The following SLC25A26 variants were observed in gnomAD, a reference collection of about 807,000 sequenced individuals.
The protein encoded by SLC25A26 is mitochondrial S-adenosylmethionine carrier protein.
SLC25A26 carries 36 observed loss-of-function variants against 37.8 expected under a neutral mutation model. The observed-to-expected ratio is 0.95, with a 90% CI of 0.73 to 1.26. The LOEUF is 1.26. Among genes scored for constraint, SLC25A26 ranks in the 50% most tolerant of loss-of-function variants. SLC25A26 has a pLI of 0.00. For missense variants in SLC25A26, 390 were observed against 331.1 expected, an observed-to-expected ratio of 1.18 and a Z score of -1.38; for synonymous variants, 129 against 122.5, an observed-to-expected ratio of 1.05 and a Z score of -0.35.
At chr3:66,317,126 C>T (rs4619732) in intron 5 of SLC25A26, among the ~76,000 whole-genome samples, 19,938 of 152,220 alleles carry the variant, frequency 0.13, 1,604 homozygotes, top group Non-Finnish European at 0.18. Context: ...TCTCAAGCCT[C>T]GGCCCAGTTC....
upstream of SLC25A26, chr3:66,220,999 A>T: frequency 7.4e-7 from 1 of 1,353,022 alleles, no homozygotes; most frequent in South Asian, 1.2e-5. Context: ...GAAGTTCAAG[A>T]CAGACCCGCC....
chr3:66,239,513 T>G (rs560893516), intron 2 of SLC25A26, among the ~76,000 whole-genome samples: 99 of 152,336 alleles, frequency 6.5e-4, no homozygotes, highest in African/African-American at 2.2e-3. Flanking sequence ...CAGAAGCTGC[T>G]TCTCCTGTTA....
chr3:66,153,982 G>A (rs1576599230), intron 1 of SLC25A26, among the ~76,000 whole-genome samples: 2 of 152,156 alleles, frequency 1.3e-5, no homozygotes, highest in East Asian at 3.9e-4. Context: ...ATAAGATTCC[G>A]TCAGGAGTGC....
At chr3:66,248,550 C>G (rs760626627) in intron 3 of SLC25A26, among the ~76,000 whole-genome samples, 1 of 152,170 alleles carries the variant, frequency 6.6e-6, no homozygotes, top group Non-Finnish European at 1.5e-5. Context: ...TCTTATCCTA[C>G]TTTTGTCTTT....
chr3:66,257,804 G>A (rs1559624692), intron 3 of SLC25A26, among the ~76,000 whole-genome samples: 1 of 151,984 alleles, frequency 6.6e-6, no homozygotes, highest in African/African-American at 2.4e-5. Flanking sequence ...GTGTACACTT[G>A]CTCATCTCCC....
At chr3:66,204,427 A>G (rs2071149080) in intron 1 of SLC25A26, among the ~76,000 whole-genome samples, 3 of 111,484 alleles carry the variant, frequency 2.7e-5, no homozygotes, top group African/African-American at 1.2e-4. Flanking sequence ...CTCCGTCTCA[A>G]AAAAAAAAAA....
intron 7 of SLC25A26, among the ~76,000 whole-genome samples, chr3:66,365,627 G>T (rs180912254): frequency 1.2e-4 from 18 of 152,308 alleles, no homozygotes; most frequent in Admixed American, 1.2e-3. Context: ...GGAGAAAGAG[G>T]CAGGGAAAGA....
chr3:66,247,408 C>A (rs377704683), intron 3 of SLC25A26, among the ~76,000 whole-genome samples: 2 of 152,060 alleles, frequency 1.3e-5, no homozygotes, highest in Non-Finnish European at 2.9e-5. Context: ...TCTGGGCTCA[C>A]GTGATCCTCT....
intron 1 of SLC25A26, among the ~76,000 whole-genome samples, chr3:66,228,580 T>C (rs1553661834): frequency 6.6e-6 from 1 of 152,190 alleles, no homozygotes; most frequent in African/African-American, 2.4e-5. Context: ...GCTGTGTTAT[T>C]TGGGGTTGAA....
chr3:66,259,091 A>T (rs1437538683), intron 3 of SLC25A26, among the ~76,000 whole-genome samples: 4 of 152,084 alleles, frequency 2.6e-5, no homozygotes, highest in African/African-American at 9.7e-5. Context: ...CCAGGGTAGG[A>T]GGGGAGAGAC....
intron 5 of SLC25A26, among the ~76,000 whole-genome samples, chr3:66,321,265 A>G (rs1457526955): frequency 5.9e-5 from 9 of 152,202 alleles, no homozygotes; most frequent in Admixed American, 3.9e-4. Context: ...TGAAATGATT[A>G]TGATGCATGC....
chr3:66,323,067 T>A lies in SLC25A26; in HGVS notation c.454-23297T>A, dbSNP rs144612443. 3.0e-3 allele frequency among the ~76,000 whole-genome samples: 456 copies of A among 152,358 alleles called. 2 individuals carry two copies. The highest frequency in any genetic ancestry group is 0.016 in the East Asian group (83 of 5,184). ...GTCTTTTTGAAGTAGGAATGTACTA[T>A]AGTAGCTGCTCTGAGCATTAGAAAT... On this transcript the variant is annotated intron_variant, in intron 5 of 9. Transcript: ENST00000354883.
chr3:66,270,004 T>C (rs760058036), intron 5 of SLC25A26, among the ~76,000 whole-genome samples: 7 of 152,192 alleles, frequency 4.6e-5, no homozygotes, highest in Non-Finnish European at 5.9e-5. Context: ...TTCACTGCTT[T>C]AAGTTTGACT....
At chr3:66,229,998 T>G (rs1368599650) in intron 1 of SLC25A26, among the ~76,000 whole-genome samples, 1 of 152,242 alleles carries the variant, frequency 6.6e-6, no homozygotes, top group Non-Finnish European at 1.5e-5. Context: ...TAGCAGCAGA[T>G]AGCTGACCCT....
chr3:66,347,509 CT>C (rs2076353706), intron 6 of SLC25A26, among the ~76,000 whole-genome samples: 1 of 152,144 alleles, frequency 6.6e-6, no homozygotes, highest in Non-Finnish European at 1.5e-5. Flanking sequence ...AAAAGGAACG[CT>C]TTTACACTGT....
chr3:66,239,238 A>G (rs1054662956), intron 2 of SLC25A26, among the ~76,000 whole-genome samples: 27 of 146,696 alleles, frequency 1.8e-4, no homozygotes, highest in African/African-American at 6.0e-4. Flanking sequence ...TTTAAGATCT[A>G]TGTTTTGAAA....
chr3:66,169,745 G>A (rs2070470186), intron 1 of SLC25A26, among the ~76,000 whole-genome samples: 1 of 152,202 alleles, frequency 6.6e-6, no homozygotes, highest in Non-Finnish European at 1.5e-5. Flanking sequence ...CTAGCATGCA[G>A]ATATTAGTTT....
chr3:66,187,184 C>A (rs913831751), intron 1 of SLC25A26, among the ~76,000 whole-genome samples: 8 of 151,856 alleles, frequency 5.3e-5, no homozygotes, highest in Non-Finnish European at 8.8e-5. Flanking sequence ...CCCTGACCCT[C>A]ACCATGACAC....
At chr3:66,369,982 G>C (rs1180862785) in intron 8 of SLC25A26, among the ~76,000 whole-genome samples, 1 of 152,200 alleles carries the variant, frequency 6.6e-6, no homozygotes, top group Non-Finnish European at 1.5e-5. Flanking sequence ...AACCCTGCTA[G>C]ATAGAGAGTT....
Sources: allele counts gnomAD v4.1 joint callset (sites outside exome capture counted in the v4.1 genomes callset), GRCh38; gene constraint gnomAD v4.1.1; transcripts MANE v1.5; gene names NCBI Gene and HGNC (gene_info 2026-07-23, HGNC 2026-07-21).